Variants in RAB33A observed in about 807,000 individuals in gnomAD.
RAB33A encodes the protein ras-related protein Rab-33A.
RAB33A carries 6 observed loss-of-function variants against 12.0 expected under a neutral mutation model. The observed-to-expected ratio is 0.50, with a 90% CI of 0.27 to 0.99. RAB33A has a LOEUF of 0.99. Among genes scored for constraint, RAB33A ranks in the 50% least tolerant of loss-of-function variants. The probability of loss-of-function intolerance (pLI) is 0.11; values close to 1 mark genes in which losing one functional copy is unlikely to be tolerated. For missense variants in RAB33A, 109 were observed against 192.0 expected, an observed-to-expected ratio of 0.57 and a Z score of 2.55; for synonymous variants, 70 against 82.4, an observed-to-expected ratio of 0.85 and a Z score of 0.81.
chrX:130,155,418 T>C, the RAB33A span: 3 of 733,623 alleles, frequency 4.1e-6, no homozygotes, highest in South Asian at 2.4e-5. Context: ...AAGAAAAAAA[T>C]GCTGCTCCAG....
chrX:130,117,772 G>T, the RAB33A span, among the ~76,000 whole-genome samples: 2 of 112,329 alleles, frequency 1.8e-5, no homozygotes, highest in African/African-American at 3.2e-5. Context: ...GCATTCAGGG[G>T]TTTGGGGCTT....
chrX:130,131,556 A>G, the RAB33A span: 6 of 1,054,653 alleles, frequency 5.7e-6, no homozygotes, highest in Non-Finnish European at 7.9e-6. Context: ...TTTAAAGCAC[A>G]ACATGAAGAG....
At chrX:130,151,235 G>T in the RAB33A span, among the ~76,000 whole-genome samples, 1 of 108,750 alleles carries the variant, frequency 9.2e-6, no homozygotes, top group African/African-American at 3.4e-5. Flanking sequence ...CTGCCTCCTG[G>T]GTTCAAGCGA....
the RAB33A span, among the ~76,000 whole-genome samples, chrX:130,116,976 G>A: frequency 1.8e-5 from 2 of 112,261 alleles, no homozygotes; most frequent in African/African-American, 3.2e-5. Flanking sequence ...CACTTTGGGA[G>A]GCCAAGGTGG....
the RAB33A span, chrX:130,145,378 A>C: frequency 1.5e-6 from 1 of 658,686 alleles, no homozygotes; most frequent in Non-Finnish European, 2.5e-6. Flanking sequence ...GATGAACTAC[A>C]ATGGCAGGAC....
At chrX:130,152,029 ACT>A in the RAB33A span, among the ~76,000 whole-genome samples, 4 of 109,522 alleles carry the variant, frequency 3.7e-5, no homozygotes, top group African/African-American at 1.3e-4. Context: ...ACAGAGCGAG[ACT>A]CTGTCTCAAA....
chrX:130,172,654 T>A (rs1256158641), intron 1 of RAB33A, among the ~76,000 whole-genome samples: 2 of 111,854 alleles, frequency 1.8e-5, no homozygotes, highest in Non-Finnish European at 3.8e-5. Context: ...GCAGGAGGCA[T>A]CTGTGGGTCC....
At chrX:130,121,712 GC>G in the RAB33A span, among the ~76,000 whole-genome samples, 2 of 112,591 alleles carry the variant, frequency 1.8e-5, no homozygotes, top group Non-Finnish European at 3.8e-5. Context: ...CACAGGGAAT[GC>G]CCAGGAGGGA....
chrX:130,125,808 A>G, the RAB33A span, among the ~76,000 whole-genome samples: 1 of 111,936 alleles, frequency 8.9e-6, no homozygotes, highest in African/African-American at 3.3e-5. Context: ...GATTAGAACA[A>G]CAACAAAAAA....
the RAB33A span, among the ~76,000 whole-genome samples, chrX:130,121,703 A>G: frequency 3.6e-5 from 4 of 112,601 alleles, no homozygotes; most frequent in African/African-American, 1.3e-4. Flanking sequence ...CTAGGGGTGC[A>G]CAGGGAATGC....
chrX:130,155,367 G>T, the RAB33A span: 1 of 1,116,104 alleles, frequency 9.0e-7, no homozygotes, highest in Non-Finnish European at 1.2e-6. Flanking sequence ...CAATACAAAG[G>T]CAGAGAAGCA....
At chrX:130,144,914 C>T in the RAB33A span, among the ~76,000 whole-genome samples, 6 of 111,936 alleles carry the variant, frequency 5.4e-5, no homozygotes, top group African/African-American at 1.9e-4. Flanking sequence ...TCCACTTATG[C>T]TGTGTATCTC....
the RAB33A span, among the ~76,000 whole-genome samples, chrX:130,151,601 G>T: frequency 8.9e-6 from 1 of 112,255 alleles, no homozygotes; most frequent in Admixed American, 9.4e-5. Flanking sequence ...TATGGGAAAA[G>T]ACAATAGTTA....
the RAB33A span, among the ~76,000 whole-genome samples, chrX:130,146,776 C>A: frequency 1.8e-5 from 2 of 111,291 alleles, no homozygotes; most frequent in Non-Finnish European, 3.8e-5. Flanking sequence ...CTACTCTACT[C>A]CTGAAATTCT....
At chrX:130,175,833 A>C (rs1262258901) in intron 1 of RAB33A, among the ~76,000 whole-genome samples, 2 of 111,467 alleles carry the variant, frequency 1.8e-5, no homozygotes, top group East Asian at 5.6e-4. Flanking sequence ...TGTGAGATGC[A>C]GAAAATGTTC....
chrX:130,114,609 C>G, the RAB33A span, among the ~76,000 whole-genome samples: 1 of 111,846 alleles, frequency 8.9e-6, no homozygotes, highest in Non-Finnish European at 1.9e-5. Flanking sequence ...CGGAGCACTC[C>G]GAGCCTTTCT....
chrX:130,163,884 G>A, the RAB33A span, among the ~76,000 whole-genome samples: 52,384 of 108,521 alleles, frequency 0.48, 9,938 homozygotes, highest in African/African-American at 0.67. Context: ...CGCCGGGCGC[G>A]GTGGCTCACG....
chrX:130,139,898 T>C, the RAB33A span: 3 of 1,164,193 alleles, frequency 2.6e-6, no homozygotes, highest in Non-Finnish European at 3.5e-6. Flanking sequence ...GAAAACCCTT[T>C]AGCCCAACAA....
At chrX:130,165,871 G>A in the RAB33A span, 1 of 456,047 alleles carries the variant, frequency 2.2e-6, no homozygotes, top group Non-Finnish European at 3.9e-6. Context: ...CGCAGGCGTA[G>A]CACTCGCTGC....
Sources: gnomAD v4.1 joint callset for allele counts (sites outside exome capture counted in the v4.1 genomes callset) on GRCh38, gnomAD v4.1.1 for gene constraint, MANE v1.5 for transcripts, NCBI Gene and HGNC (gene_info 2026-07-23, HGNC 2026-07-21) for gene names.